SLC38A4: variants seen among roughly 807,000 people sequenced by gnomAD.
SLC38A4 encodes solute carrier family 38 member 4.
A neutral mutation model predicts 63.1 loss-of-function variants in SLC38A4; 20 were observed. The ratio of observed to expected loss-of-function variants is 0.32; its 90% CI spans 0.22 to 0.46. SLC38A4 has a LOEUF of 0.46. Among genes scored for constraint, SLC38A4 ranks in the 20% least tolerant of loss-of-function variants. The probability of loss-of-function intolerance (pLI) is 1.00; values close to 1 mark genes in which losing one functional copy is unlikely to be tolerated. For missense variants in SLC38A4, 526 were observed against 663.6 expected (o/e 0.79, Z 2.28); for synonymous variants, 230 against 225.5 (o/e 1.02, Z -0.18).
Position 46,776,960 on chromosome 12 carries a change from G to A in SLC38A4, c.1118C>T (p.Thr373Met), listed in dbSNP as rs147575073. Residue 373 changes from threonine to methionine, a missense_variant, in exon 13 of 17, where the codon ACG becomes ATG. Transcript: ENST00000266579. ...KMQTVSNISI[T>M]GMLVMYLLAA... Reference sequence around the variant, plus strand: ...AAGCAGGTACATGACAAGCATCCCCGTGATGGAAATATTTGACACCGTTTG... The same window carrying A: ...AAGCAGGTACATGACAAGCATCCCCATGATGGAAATATTTGACACCGTTTG... 36 of 1,611,842 alleles carry A rather than the reference G, an allele frequency of 2.2e-5. No individual in the cohort carries two copies. The highest frequency in any genetic ancestry group is 8.4e-5 in the Admixed American group (5 of 59,824).
intron 3 of SLC38A4, among the ~76,000 whole-genome samples, chr12:46,788,822 G>T (rs571660617): frequency 8.5e-5 from 13 of 152,186 alleles, no homozygotes; most frequent in South Asian, 4.1e-4. Flanking sequence ...GATGGAAGAA[G>T]GATGTTATAA....
rs150704681 is a variant in SLC38A4 at position 46,821,701 on chromosome 12, A to T, written c.-305+4202T>A. Reference sequence around the variant, plus strand: ...TCTTTCATGGTTCCATATAAATTTTATGATTATTTTTCCTATTTCTGTAAA... The same window carrying T: ...TCTTTCATGGTTCCATATAAATTTTTTGATTATTTTTCCTATTTCTGTAAA... On this transcript the variant is annotated intron_variant, in intron 1 of 16. Coordinates refer to ENST00000266579, the MANE Select transcript of SLC38A4 (RefSeq NM_018018.5). Among the ~76,000 whole-genome samples, 435 of 152,210 alleles carry T rather than the reference A, an allele frequency of 2.9e-3. 2 individuals are homozygous for T. The highest frequency in any genetic ancestry group is 9.8e-3 in the African/African-American group (405 of 41,538).
chr12:46,824,743 G>A (rs1333228624), intron 1 of SLC38A4, among the ~76,000 whole-genome samples: 2 of 152,172 alleles, frequency 1.3e-5, no homozygotes, highest in African/African-American at 4.8e-5. Flanking sequence ...AGTGGTTGCC[G>A]GGGTAGCGAG....
intron 16 of SLC38A4, 121 bp from the exon 17 acceptor site, chr12:46,766,923 T>G: frequency 1.6e-6 from 1 of 637,668 alleles, no homozygotes; most frequent in Non-Finnish European, 2.7e-6. Flanking sequence ...TCTTAATATC[T>G]CAGATGCCCA....
chr12:46,808,924 T>C (rs1434834041), intron 1 of SLC38A4, among the ~76,000 whole-genome samples: 2 of 152,068 alleles, frequency 1.3e-5, no homozygotes, highest in Non-Finnish European at 2.9e-5. Context: ...AGAATACATA[T>C]TATGGCAGTG....
At chr12:46,776,292 A>G (rs1287034411) in intron 13 of SLC38A4, among the ~76,000 whole-genome samples, 1 of 152,096 alleles carries the variant, frequency 6.6e-6, no homozygotes, top group Admixed American at 6.6e-5. Flanking sequence ...TTAAGATGCC[A>G]GAGAGGAAAT....
intron 2 of SLC38A4, among the ~76,000 whole-genome samples, chr12:46,797,697 T>A (rs2907513): frequency 1.3e-5 from 2 of 152,106 alleles, no homozygotes; most frequent in African/African-American, 2.4e-5. Context: ...AGAACTCTGA[T>A]GAATACATAT....
At position 46,778,501 on chromosome 12, in the gene SLC38A4, C is replaced by T. The variant is rs772487918; in HGVS notation, c.993G>A (p.Arg331=). The change falls in exon 11 of 17, where the codon CGG becomes CGA. Residue 331 remains arginine (R), a splice_region_variant and synonymous_variant. Transcript: ENST00000266579. ...TTAGAAGCCCGGACCGCTCACTTACCCGGGAGTTGAATACAAAGTATTTGG... is the reference window on the plus strand; with the variant it reads ...TTAGAAGCCCGGACCGCTCACTTACTCGGGAGTTGAATACAAAGTATTTGG... The part of the protein sequence containing the change: ...CEPKYFVFNS[R]TAYAIPILVF... 6 of 1,610,356 alleles carry T rather than the reference C, an allele frequency of 3.7e-6. No homozygotes were observed. In the South Asian group the frequency reaches 6.6e-5, roughly 18 times the overall value.
chr12:46,822,993 A>G (rs1288994130), intron 1 of SLC38A4, among the ~76,000 whole-genome samples: 2 of 152,210 alleles, frequency 1.3e-5, no homozygotes, highest in Non-Finnish European at 2.9e-5. Flanking sequence ...AATGCACATA[A>G]GGCATTTCTA....
At chr12:46,784,181 C>T (rs1232502080) in intron 7 of SLC38A4, among the ~76,000 whole-genome samples, 2 of 151,744 alleles carry the variant, frequency 1.3e-5, no homozygotes, top group African/African-American at 4.9e-5. Flanking sequence ...GTAAATCGAA[C>T]TCAGTCACAC....
At chr12:46,793,259 G>T (rs539538567) in intron 2 of SLC38A4, 76 bp from the exon 3 acceptor site, 1 of 393,490 alleles carries the variant, frequency 2.5e-6, no homozygotes, top group African/African-American at 2.1e-5. Flanking sequence ...TCTACATTTT[G>T]TATGCTCTCT....
At chr12:46,776,833 C>A in intron 13 of SLC38A4, 71 bp downstream of exon 13, 1 of 1,351,852 alleles carries the variant, frequency 7.4e-7, no homozygotes, top group South Asian at 1.2e-5. Context: ...TTTTAAAAAT[C>A]ATACCTACCC....
At chr12:46,772,487 A>G (rs1402751694) in intron 14 of SLC38A4, among the ~76,000 whole-genome samples, 2 of 152,192 alleles carry the variant, frequency 1.3e-5, no homozygotes, top group South Asian at 4.1e-4. Context: ...CATAAAGGGA[A>G]GCATAAGCTG....
chr12:46,815,284 T>TACAC (rs369027203), intron 1 of SLC38A4, among the ~76,000 whole-genome samples: 46 of 82,956 alleles, frequency 5.5e-4, no homozygotes, highest in East Asian at 3.0e-3. Flanking sequence ...TATATATATA[T>TACAC]ACACACACAC....
At chr12:46,825,390 A>C (rs1226161636) in intron 1 of SLC38A4, among the ~76,000 whole-genome samples, 1 of 151,990 alleles carries the variant, frequency 6.6e-6, no homozygotes, top group Non-Finnish European at 1.5e-5. Context: ...GCACATGCCA[A>C]AAATGTGTCA....
chr12:46,775,227 T>C, intron 13 of SLC38A4, 54 bp from the exon 14 acceptor site: 11 of 1,576,988 alleles, frequency 7.0e-6, no homozygotes, highest in Non-Finnish European at 8.6e-6. Context: ...TCAGCACAGG[T>C]CACTTATGGC....
intron 7 of SLC38A4, among the ~76,000 whole-genome samples, chr12:46,783,186 C>A (rs945065062): frequency 4.7e-5 from 7 of 150,266 alleles, no homozygotes; most frequent in African/African-American, 1.7e-4. Context: ...TATGGTTTGA[C>A]ACAGGACATG....
At chr12:46,769,559 T>A (rs1294798915) in intron 14 of SLC38A4, 131 bp from the exon 15 acceptor site, 2 of 966,304 alleles carry the variant, frequency 2.1e-6, no homozygotes, top group Non-Finnish European at 3.0e-6. Context: ...TGATGCTTTT[T>A]TCAATTTTTT....
chr12:46,767,128 T>C (rs1044698042), intron 16 of SLC38A4, among the ~76,000 whole-genome samples: 3 of 152,012 alleles, frequency 2.0e-5, no homozygotes, highest in Non-Finnish European at 4.4e-5. Flanking sequence ...TTACAATCTT[T>C]TAGGTGAAAA....
Sources: gnomAD v4.1 joint callset for allele counts (sites outside exome capture counted in the v4.1 genomes callset) on GRCh38, gnomAD v4.1.1 for gene constraint, MANE v1.5 for transcripts, NCBI Gene and HGNC (gene_info 2026-07-23, HGNC 2026-07-21) for gene names.